The following ABCG2 variants were observed in gnomAD, a reference collection of about 807,000 sequenced individuals.
ABCG2 encodes the protein ATP binding cassette subfamily G member 2 (JR blood group).
Under a neutral mutation model 73.5 loss-of-function variants are expected in ABCG2, and 80 were observed. That is an observed-to-expected ratio of 1.09 (90% CI 0.91 to 1.31). ABCG2 has a LOEUF of 1.31. ABCG2 is among the 50% of genes most tolerant of loss of function. ABCG2 has a pLI of 0.00. For synonymous variants in ABCG2, 269 were observed against 282.4 expected (o/e 0.95, Z 0.48); for missense variants, 796 against 786.2 (o/e 1.01, Z -0.15).
chr4:88,156,541 G>A (rs963249218), intron 1 of ABCG2, among the ~76,000 whole-genome samples: 1 of 152,034 alleles, frequency 6.6e-6, no homozygotes, highest in South Asian at 2.1e-4. Context: ...AAATATCCAT[G>A]AGCCCATACT....
At chr4:88,146,233 A>T (rs1407347516) in intron 1 of ABCG2, among the ~76,000 whole-genome samples, 1 of 149,464 alleles carries the variant, frequency 6.7e-6, no homozygotes, top group Non-Finnish European at 1.5e-5. Flanking sequence ...AGAAGAAAAA[A>T]TCCTTTTCCA....
chr4:88,202,974 C>A (rs958339919), intron 1 of ABCG2, among the ~76,000 whole-genome samples: 1 of 152,076 alleles, frequency 6.6e-6, no homozygotes, highest in Non-Finnish European at 1.5e-5. Flanking sequence ...CTTTCCCTTC[C>A]ACCCAAATTC....
chr4:88,150,858 G>A (rs1726421442), intron 1 of ABCG2, among the ~76,000 whole-genome samples: 1 of 152,102 alleles, frequency 6.6e-6, no homozygotes, highest in Non-Finnish European at 1.5e-5. Context: ...CCAAGATGAG[G>A]ACACTGTCCT....
intron 2 of ABCG2, among the ~76,000 whole-genome samples, chr4:88,133,925 G>A (rs891032548): frequency 2.6e-5 from 4 of 151,890 alleles, no homozygotes; most frequent in African/African-American, 7.3e-5. Context: ...TTGAACCCAG[G>A]AGGTGGAGGT....
At position 88,170,453 on chromosome 4, in the gene ABCG2, C is replaced by T. The variant is rs183974735; in HGVS notation, c.-19-30439G>A. 2.6e-5 allele frequency among the ~76,000 whole-genome samples: 4 copies of T among 152,310 alleles called. No homozygotes were observed. In the East Asian group the frequency reaches 7.7e-4, roughly 29 times the overall value. ...ATGACTTCTAGGCCAGGGTTCACTC[C>T]CAGATAGATATTGACTGCAAGACTG... is the stretch of plus-strand genomic sequence containing the variant. On this transcript the variant is annotated intron_variant, in intron 1 of 15. Transcript: ENST00000515655.
chr4:88,158,841 G>A (rs1043452338), upstream of ABCG2: 1 of 333,878 alleles, frequency 3.0e-6, no homozygotes, highest in Non-Finnish European at 5.7e-6. Flanking sequence ...TCCAGGGGAC[G>A]AGCTCAGGCA....
rs755380197 is a variant in ABCG2 at position 88,131,909 on chromosome 4, T to C, written c.272A>G (p.Asp91Gly). 5.0e-6 allele frequency: 8 copies of C among 1,612,510 alleles called. No homozygotes were observed. Among genetic ancestry groups the C allele is most frequent in the Non-Finnish European group, 6.8e-6 (8 of 1,178,660 alleles). Residue 91 changes from aspartate to glycine, a missense_variant, in exon 4 of 16, where the codon GAT becomes GGT. Asp to Gly is a moderately conservative substitution (Grantham distance 94). Transcript: ENST00000237612. ...PTGGGKSSLL[D>G]VLAARKDPSG... ...TGGATCTTTCCTTGCAGCTAAGACA[T>C]CTAATAACCTATAAGAGGACATATA...
At chr4:88,125,524 C>T (rs559899002) in intron 5 of ABCG2, among the ~76,000 whole-genome samples, 3 of 134,936 alleles carry the variant, frequency 2.2e-5, no homozygotes, top group Admixed American at 8.4e-5. Flanking sequence ...AGAAGAATGG[C>T]GTGAACCCAG....
At chr4:88,151,265 T>A (rs1726457984) in intron 1 of ABCG2, among the ~76,000 whole-genome samples, 1 of 152,142 alleles carries the variant, frequency 6.6e-6, no homozygotes, top group South Asian at 2.1e-4. Context: ...TTTGGGATCC[T>A]AAGTCCCCAG....
intron 1 of ABCG2, among the ~76,000 whole-genome samples, chr4:88,195,537 G>T (rs1728908655): frequency 6.6e-6 from 1 of 152,132 alleles, no homozygotes; most frequent in African/African-American, 2.4e-5. Flanking sequence ...TCAGAAGAAA[G>T]AATTCGACAG....
chr4:88,228,652 G>A (rs1332522486), intron 1 of ABCG2, among the ~76,000 whole-genome samples: 2 of 152,204 alleles, frequency 1.3e-5, no homozygotes, highest in Non-Finnish European at 2.9e-5. Flanking sequence ...GAAAGGTGAA[G>A]CCAGCTGGAC....
intron 5 of ABCG2, among the ~76,000 whole-genome samples, chr4:88,123,497 A>T (rs1724156379): frequency 6.6e-6 from 1 of 152,116 alleles, no homozygotes; most frequent in South Asian, 2.1e-4. Context: ...AAAACACAGC[A>T]CAAGAACTTC....
chr4:88,143,200 G>A (rs1467425007), intron 1 of ABCG2, among the ~76,000 whole-genome samples: 1 of 152,064 alleles, frequency 6.6e-6, no homozygotes, highest in African/African-American at 2.4e-5. Context: ...GTGTCTGAGG[G>A]GAGTCTTGGA....
intron 10 of ABCG2, among the ~76,000 whole-genome samples, chr4:88,103,974 T>A (rs1360513021): frequency 1.3e-5 from 2 of 152,262 alleles, no homozygotes; most frequent in Non-Finnish European, 2.9e-5. Context: ...TGATTCCGTA[T>A]CTTGGCTATT....
At chr4:88,190,345 T>C (rs1728637527) in intron 1 of ABCG2, among the ~76,000 whole-genome samples, 1 of 152,196 alleles carries the variant, frequency 6.6e-6, no homozygotes, top group Non-Finnish European at 1.5e-5. Flanking sequence ...CATCAGTCCC[T>C]AATCTCCGTT....
intron 1 of ABCG2, among the ~76,000 whole-genome samples, chr4:88,208,772 T>A (rs74401190): frequency 0.14 from 20,621 of 152,248 alleles, 1,713 homozygotes; most frequent in Non-Finnish European, 0.18. Flanking sequence ...GCAAATAAAT[T>A]GAATCCATAA....
At chr4:88,113,806 CA>C (rs1177876393) in intron 8 of ABCG2, among the ~76,000 whole-genome samples, 4 of 150,650 alleles carry the variant, frequency 2.7e-5, no homozygotes, top group African/African-American at 4.9e-5. Context: ...ACTGAAAATA[CA>C]AAAAAAATTA....
At chr4:88,132,426 C>G (rs955955803) in intron 3 of ABCG2, 150 bp downstream of exon 3, 1 of 742,352 alleles carries the variant, frequency 1.3e-6, no homozygotes, top group African/African-American at 1.8e-5. Flanking sequence ...GAAAAAACCA[C>G]GCAACTACAG....
At chr4:88,197,553 G>T (rs947384942) in intron 1 of ABCG2, among the ~76,000 whole-genome samples, 1 of 152,064 alleles carries the variant, frequency 6.6e-6, no homozygotes, top group Non-Finnish European at 1.5e-5. Flanking sequence ...AGAAGTCAAG[G>T]CTGCAGTGAG....
Sources: allele counts gnomAD v4.1 joint callset (sites outside exome capture counted in the v4.1 genomes callset), GRCh38; gene constraint gnomAD v4.1.1; transcripts MANE v1.5; gene names NCBI Gene and HGNC (gene_info 2026-07-23, HGNC 2026-07-21).